The following KCTD14 variants were observed in gnomAD, a reference collection of about 807,000 sequenced individuals.
KCTD14 encodes the protein potassium channel tetramerization domain containing 14.
A neutral mutation model predicts 5.9 loss-of-function variants in KCTD14; 7 were observed. That is an observed-to-expected ratio of 1.19 (90% CI 0.68 to 2.23). The LOEUF (loss-of-function observed/expected upper bound fraction) is 2.23, where lower values mean the gene tolerates loss of function less well. KCTD14 is among the 30% of genes most tolerant of loss of function. KCTD14 has a pLI of 0.00. For missense variants in KCTD14, 342 were observed against 332.2 expected, an observed-to-expected ratio of 1.03 and a Z score of -0.23; for synonymous variants, 140 against 133.1, an observed-to-expected ratio of 1.05 and a Z score of -0.36.
intron 1 of KCTD14, among the ~76,000 whole-genome samples, chr11:78,043,100 T>C (rs1016274456): frequency 1.3e-5 from 2 of 152,122 alleles, no homozygotes; most frequent in African/African-American, 4.8e-5. Flanking sequence ...CCACCTGCCT[T>C]GGCCTCCCAA....
intron 1 of KCTD14, among the ~76,000 whole-genome samples, chr11:78,045,282 T>C (rs1352916778): frequency 6.6e-6 from 1 of 152,170 alleles, no homozygotes; most frequent in East Asian, 1.9e-4. Flanking sequence ...TTTTTGTATT[T>C]TTTGTAGAGA....
intron 1 of KCTD14, among the ~76,000 whole-genome samples, chr11:78,044,623 T>C (rs998003381): frequency 1.3e-5 from 2 of 152,134 alleles, no homozygotes; most frequent in Non-Finnish European, 2.9e-5. Flanking sequence ...TTAGCAGTAG[T>C]GAATCTGTAC....
chr11:78,023,174 G>A lies in KCTD14; in HGVS notation c.76C>T (p.Pro26Ser). The stretch of plus-strand genomic sequence containing the variant: ...CTCGCACTTACCGTTGGCCGCCTGG[G>A]CCGGGGGGACTGGGGCAGAGGGGTC... ...SQTPLPQSPR[P>S]RRPTMSTVVE... Residue 26 changes from proline to serine, a missense_variant, in exon 1 of 2, where the codon CCC becomes TCC. Pro to Ser is a moderately conservative substitution (Grantham distance 74). Coordinates refer to ENST00000353172, the MANE Select transcript of KCTD14 (RefSeq NM_023930.4). 6.3e-7 allele frequency: 1 copy of A among 1,595,010 alleles called. No individual in the cohort carries two copies. Among genetic ancestry groups the A allele is most frequent in the Non-Finnish European group, 8.5e-7 (1 of 1,173,226 alleles).
intron 1 of KCTD14, among the ~76,000 whole-genome samples, chr11:78,018,706 CAA>C (rs10718775): frequency 6.7e-5 from 10 of 148,398 alleles, no homozygotes; most frequent in South Asian, 2.1e-4. Context: ...GAGTCCAACT[CAA>C]AAAAAAAAAT....
At position 78,040,655 on chromosome 11, in the gene KCTD14, T is replaced by C. The variant is rs141410203; in HGVS notation, c.-95-1897A>G. Among the ~76,000 whole-genome samples the C allele has an allele frequency of 2.5e-3, 342 of 135,052 alleles. 2 individuals carry two copies. The highest frequency in any genetic ancestry group is 5.6e-3 in the South Asian group (22 of 3,956). 88.6% of individuals were successfully genotyped at this position (135,052 alleles called of 152,430 possible). A position where few individuals can be genotyped will look rare whatever the true frequency, so the allele number is the denominator to read the frequency against. On this transcript the variant is annotated intron_variant, in intron 1 of 2. Transcript: ENST00000533144. ...CAACATTCTCCTTGCTAGGCCTTGATTTTTTATTTTATTTTATTATTTTTT... is the reference window on the plus strand; with the variant it reads ...CAACATTCTCCTTGCTAGGCCTTGACTTTTTATTTTATTTTATTATTTTTT...
intron 2 of KCTD14, among the ~76,000 whole-genome samples, chr11:78,028,624 G>A (rs56085712): frequency 2.1e-5 from 3 of 145,466 alleles, no homozygotes; most frequent in Non-Finnish European, 1.5e-5. Context: ...AAAAAAAGCA[G>A]CCTGAGGGGA....
intron 2 of KCTD14, among the ~76,000 whole-genome samples, chr11:78,036,664 G>A (rs922027875): frequency 2.6e-5 from 4 of 152,130 alleles, no homozygotes; most frequent in Admixed American, 6.5e-5. Context: ...GAGGCCTTCC[G>A]TGACCACTCT....
intron 2 of KCTD14, among the ~76,000 whole-genome samples, chr11:78,031,528 G>T (rs1857615425): frequency 6.6e-6 from 1 of 151,654 alleles, no homozygotes; most frequent in African/African-American, 2.4e-5. Flanking sequence ...ATAGGCACCA[G>T]CCATCATGCC....
chr11:78,027,704 G>A (rs897101543), upstream of KCTD14, among the ~76,000 whole-genome samples: 1 of 152,024 alleles, frequency 6.6e-6, no homozygotes, highest in African/African-American at 2.4e-5. Flanking sequence ...AAAAAGCAAG[G>A]ATTTTCTGCT....
At chr11:78,044,782 C>T (rs1591200354) in intron 1 of KCTD14, among the ~76,000 whole-genome samples, 1 of 152,072 alleles carries the variant, frequency 6.6e-6, no homozygotes, top group African/African-American at 2.4e-5. Context: ...AAGTAAAGTA[C>T]ACTTGGAAGA....
Position 78,042,623 on chromosome 11 carries a change from G to A in KCTD14, c.-96+3438C>T, listed in dbSNP as rs115098730. On this transcript the variant is annotated intron_variant, in intron 1 of 2. Coordinates refer to the KCTD14 transcript ENST00000533144. ...TACGTGGCATGGCCACCTTCGTGTT[G>A]AAGCAGCATCATTGTCTGGGGTAAA... Among the ~76,000 whole-genome samples the A allele has an allele frequency of 8.8e-3, 1,337 of 152,356 alleles. 22 individuals carry two copies. The highest frequency in any genetic ancestry group is 0.031 in the African/African-American group (1,284 of 41,580).
rs972787268 is a variant in KCTD14, at chr11:78,038,760, T to C, written c.-95-2A>G. 5.9e-6 allele frequency: 9 copies of C among 1,535,604 alleles called. No homozygotes were observed. Among genetic ancestry groups the C allele is most frequent in the Non-Finnish European group, 7.8e-6 (9 of 1,146,860 alleles). ...AGCAACAGAGGCCAATGTCACCCCC[T>C]GAAACAGAAAGAGAATTTCTTAGAA... On this transcript the variant is annotated splice_acceptor_variant, in intron 1 of 2. Coordinates refer to the KCTD14 transcript ENST00000533144. LOFTEE classifies it low-confidence loss of function (5UTR_SPLICE).
rs754439223 is a variant in KCTD14, at chr11:78,016,828, T to C, written c.533A>G (p.Gln178Arg). Reference sequence around the variant, plus strand: ...CAGGACCTCTGAATAATATGCATCCTGCTCCTCAGTTTCCACCAGGCACAC... The same window carrying C: ...CAGGACCTCTGAATAATATGCATCCCGCTCCTCAGTTTCCACCAGGCACAC... ...VLVCLVETEE[Q>R]DAYYSEVLCF... Residue 178 changes from glutamine to arginine, a missense_variant, in exon 2 of 2, where the codon CAG (glutamine) becomes CGG (arginine). By Grantham distance (43) the Gln-to-Arg change is conservative. Transcript: ENST00000353172. 6.2e-7 allele frequency: 1 copy of C among 1,614,188 alleles called. No homozygotes were observed. Among genetic ancestry groups the C allele is most frequent in the Non-Finnish European group, 8.5e-7 (1 of 1,180,002 alleles).
At chr11:78,042,073 A>C (rs1858010662) in intron 1 of KCTD14, among the ~76,000 whole-genome samples, 1 of 152,148 alleles carries the variant, frequency 6.6e-6, no homozygotes, top group African/African-American at 2.4e-5. Context: ...CCTGGTAAAA[A>C]AAACCACCTT....
At chr11:78,023,392 A>G (rs115978465), upstream of KCTD14, 3,282 of 748,976 alleles carry the variant, frequency 4.4e-3, 87 homozygotes, top group African/African-American at 0.053. Context: ...CAGTCTGTCT[A>G]TTTGGGGCTT....
intron 2 of KCTD14, among the ~76,000 whole-genome samples, chr11:78,037,642 A>T (rs1857849182): frequency 6.6e-6 from 1 of 152,156 alleles, no homozygotes; most frequent in African/African-American, 2.4e-5. Flanking sequence ...AAAATGGTGA[A>T]ACCCCGTCTC....
chr11:78,024,278 T>C (rs1857384028), upstream of KCTD14, among the ~76,000 whole-genome samples: 1 of 150,960 alleles, frequency 6.6e-6, no homozygotes, highest in South Asian at 2.1e-4. Flanking sequence ...CCAGATACTG[T>C]GGACGCTGAG....
At chr11:78,038,432 A>G (rs1857882503) in intron 2 of KCTD14, among the ~76,000 whole-genome samples, 7 of 152,168 alleles carry the variant, frequency 4.6e-5, no homozygotes, top group Admixed American at 4.6e-4. Flanking sequence ...TTGTTTACCA[A>G]CTGTCCACTG....
intron 1 of KCTD14, among the ~76,000 whole-genome samples, chr11:78,040,713 C>T (rs1027469535): frequency 6.6e-5 from 10 of 152,060 alleles, no homozygotes; most frequent in African/African-American, 2.4e-4. Context: ...TCTTGGCCCC[C>T]AGTCTGCAGT....
Sources: allele counts gnomAD v4.1 joint callset (sites outside exome capture counted in the v4.1 genomes callset), GRCh38; gene constraint gnomAD v4.1.1; transcripts MANE v1.5; gene names NCBI Gene and HGNC (gene_info 2026-07-23, HGNC 2026-07-21).